RAD51B: variants seen among roughly 807,000 people sequenced by gnomAD.
RAD51B encodes DNA repair protein RAD51 homolog 2.
Under a neutral mutation model 42.2 loss-of-function variants are expected in RAD51B, and 38 were observed. That is an observed-to-expected ratio of 0.90 (90% confidence interval 0.70 to 1.18). RAD51B has a LOEUF of 1.18. Ranked by LOEUF, RAD51B falls within the 50% of genes most tolerant of loss-of-function variation. The pLI is 0.00. For synonymous variants in RAD51B, 154 were observed against 145.2 expected, an observed-to-expected ratio of 1.06 and a Z score of -0.43; for missense variants, 373 against 400.7, an observed-to-expected ratio of 0.93 and a Z score of 0.59.
intron 4 of RAD51B, among the ~76,000 whole-genome samples, chr14:67,837,981 T>G (rs774201044): frequency 9.2e-5 from 14 of 152,168 alleles, no homozygotes; most frequent in Non-Finnish European, 1.8e-4. Context: ...TAACCACTAT[T>G]CTACTCTCCA....
At chr14:68,047,554 T>G (rs1722141233) in intron 7 of RAD51B, among the ~76,000 whole-genome samples, 1 of 152,196 alleles carries the variant, frequency 6.6e-6, no homozygotes, top group Non-Finnish European at 1.5e-5. Context: ...TCTGTGTAAT[T>G]TAACATAATT....
intron 11 of RAD51B, among the ~76,000 whole-genome samples, chr14:68,675,869 C>T (rs766522463): frequency 2.6e-5 from 4 of 152,216 alleles, no homozygotes; most frequent in Non-Finnish European, 4.4e-5. Context: ...TCCATCTCCA[C>T]CTGCTTCATT....
intron 9 of RAD51B, among the ~76,000 whole-genome samples, chr14:68,437,382 T>C (rs1361091665): frequency 6.6e-6 from 1 of 152,208 alleles, no homozygotes; most frequent in Non-Finnish European, 1.5e-5. Flanking sequence ...TGAATTAACT[T>C]TTTTATGTAC....
At chr14:67,875,557 A>G (rs1210103399) in intron 5 of RAD51B, among the ~76,000 whole-genome samples, 1 of 152,208 alleles carries the variant, frequency 6.6e-6, no homozygotes, top group Non-Finnish European at 1.5e-5. Flanking sequence ...ACAATTGCCT[A>G]CAATATTCAG....
At chr14:67,936,443 C>A (rs769254798) in intron 7 of RAD51B, among the ~76,000 whole-genome samples, 8 of 152,098 alleles carry the variant, frequency 5.3e-5, no homozygotes, top group African/African-American at 1.9e-4. Flanking sequence ...CTTTTCATTG[C>A]CAAATAATAT....
chr14:68,059,018 G>A (rs1179786069), intron 7 of RAD51B, among the ~76,000 whole-genome samples: 2 of 151,994 alleles, frequency 1.3e-5, no homozygotes, highest in Non-Finnish European at 2.9e-5. Context: ...ACCCCTCTAA[G>A]CCTCCACCCT....
intron 10 of RAD51B, among the ~76,000 whole-genome samples, chr14:68,514,023 G>T (rs1297077662): frequency 1.3e-5 from 2 of 152,176 alleles, no homozygotes. Context: ...CAAGGTGTTT[G>T]CCTGTCTCAC....
At chr14:68,023,065 A>G (rs147226154) in intron 7 of RAD51B, among the ~76,000 whole-genome samples, 1,551 of 152,240 alleles carry the variant, frequency 0.01, 17 homozygotes, top group Non-Finnish European at 0.014. Flanking sequence ...ATGGGCAGCT[A>G]TAATAGGTTG....
At chr14:68,377,835 G>A (rs1269458542) in intron 8 of RAD51B, among the ~76,000 whole-genome samples, 2 of 152,326 alleles carry the variant, frequency 1.3e-5, no homozygotes, top group African/African-American at 4.8e-5. Context: ...GGGAAGGAGC[G>A]AGACAAAATC....
chr14:68,318,996 C>T (rs565188757), intron 8 of RAD51B, among the ~76,000 whole-genome samples: 2 of 152,216 alleles, frequency 1.3e-5, no homozygotes, highest in Non-Finnish European at 2.9e-5. Flanking sequence ...GAGGGGAAGT[C>T]CCATCCCATT....
chr14:68,357,717 T>C (rs1229659845), intron 8 of RAD51B, among the ~76,000 whole-genome samples: 1 of 152,030 alleles, frequency 6.6e-6, no homozygotes, highest in Non-Finnish European at 1.5e-5. Context: ...TGTCAGTGAG[T>C]AGTACTATTT....
intron 7 of RAD51B, among the ~76,000 whole-genome samples, chr14:68,025,465 T>C (rs2075938463): frequency 6.8e-6 from 1 of 147,954 alleles, no homozygotes; most frequent in Non-Finnish European, 1.5e-5. Context: ...TGTGAATCCA[T>C]CTGGTCTAGG....
intron 10 of RAD51B, among the ~76,000 whole-genome samples, chr14:68,518,554 G>GC (rs11341781): frequency 0.24 from 33,307 of 136,240 alleles, 4,119 homozygotes; most frequent in East Asian, 0.46. Context: ...GGTCATATGA[G>GC]CCCCCCCCCC....
chr14:67,923,845 C>T (rs1036004312), intron 7 of RAD51B, among the ~76,000 whole-genome samples: 5 of 152,246 alleles, frequency 3.3e-5, no homozygotes, highest in African/African-American at 7.2e-5. Context: ...TTTGCACCAG[C>T]GTGTAAAAGT....
intron 10 of RAD51B, among the ~76,000 whole-genome samples, chr14:68,534,367 G>A (rs757765094): frequency 1.9e-4 from 29 of 152,180 alleles, no homozygotes; most frequent in African/African-American, 7.0e-4. Context: ...TGAATAATAG[G>A]TTATTGATGA....
chr14:68,272,531 A>G (rs1208152867), intron 7 of RAD51B, among the ~76,000 whole-genome samples: 1 of 149,776 alleles, frequency 6.7e-6, no homozygotes, highest in African/African-American at 2.5e-5. Flanking sequence ...ATGAGATACT[A>G]CATGTAAAGA....
intron 10 of RAD51B, among the ~76,000 whole-genome samples, chr14:68,495,575 A>G (rs1175143975): frequency 6.6e-6 from 1 of 152,122 alleles, no homozygotes; most frequent in African/African-American, 2.4e-5. Flanking sequence ...GTTGAAAAGG[A>G]ACTCGAAGCA....
At chr14:68,571,379 G>A (rs998802352) in intron 10 of RAD51B, among the ~76,000 whole-genome samples, 1 of 152,204 alleles carries the variant, frequency 6.6e-6, no homozygotes, top group African/African-American at 2.4e-5. Context: ...TGTCGTCAGG[G>A]CAGTGTTCCC....
At chr14:68,398,170 G>A (rs186969597) in intron 8 of RAD51B, among the ~76,000 whole-genome samples, 1 of 152,366 alleles carries the variant, frequency 6.6e-6, no homozygotes, top group African/African-American at 2.4e-5. Context: ...CTGGGCCGGG[G>A]CCCAGCTCTC....
Sources: allele counts gnomAD v4.1 joint callset (sites outside exome capture counted in the v4.1 genomes callset), GRCh38; gene constraint gnomAD v4.1.1; transcripts MANE v1.5; gene names NCBI Gene and HGNC (gene_info 2026-07-23, HGNC 2026-07-21).